The following MAML3 variants were observed in gnomAD, a reference collection of about 807,000 sequenced individuals.
The protein encoded by MAML3 is mastermind-like protein 3.
Under a neutral mutation model 101.9 loss-of-function variants are expected in MAML3, and 27 were observed. The observed-to-expected ratio is 0.27, with a 90% confidence interval of 0.20 to 0.37. The LOEUF is 0.37. Among genes scored for constraint, MAML3 ranks in the 10% least tolerant of loss-of-function variants. The pLI is 1.00. For synonymous variants in MAML3, 501 were observed against 555.9 expected, an observed-to-expected ratio of 0.90 and a Z score of 1.39; for missense variants, 1,316 against 1,444.9, an observed-to-expected ratio of 0.91 and a Z score of 1.45.
chr4:140,014,878 T>G, intron 1 of MAML3, among the ~76,000 whole-genome samples: 1 of 152,182 alleles, frequency 6.6e-6, no homozygotes, highest in Non-Finnish European at 1.5e-5. Flanking sequence ...ATAGGAAGAA[T>G]GGAAAAGCTG....
chr4:139,912,780 G>A (rs1395221785), intron 1 of MAML3, among the ~76,000 whole-genome samples: 1 of 152,262 alleles, frequency 6.6e-6, no homozygotes, highest in Non-Finnish European at 1.5e-5. Context: ...ACCAAGAAGA[G>A]TTAAGGAAGG....
At chr4:140,106,427 G>C (rs1728352401) in intron 1 of MAML3, among the ~76,000 whole-genome samples, 1 of 152,258 alleles carries the variant, frequency 6.6e-6, no homozygotes, top group African/African-American at 2.4e-5. Flanking sequence ...CCTAGTCTTA[G>C]AAGCACCAAT....
At chr4:140,017,445 A>T (rs2110870424) in intron 1 of MAML3, among the ~76,000 whole-genome samples, 1 of 152,266 alleles carries the variant, frequency 6.6e-6, no homozygotes, top group African/African-American at 2.4e-5. Flanking sequence ...GTACTCCTGG[A>T]TATTTATCCC....
At chr4:139,864,669 C>T (rs1174180533) in intron 2 of MAML3, among the ~76,000 whole-genome samples, 3 of 78,324 alleles carry the variant, frequency 3.8e-5, no homozygotes, top group African/African-American at 1.2e-4. Context: ...AGCGAGGCTC[C>T]GTCTCAAAAA....
At chr4:140,084,299 T>C (rs766431333) in intron 1 of MAML3, among the ~76,000 whole-genome samples, 10 of 152,252 alleles carry the variant, frequency 6.6e-5, no homozygotes, top group Non-Finnish European at 1.3e-4. Flanking sequence ...CCTACTTGTC[T>C]TGTTACAATC....
At chr4:139,738,059 T>C (rs952690760) in intron 2 of MAML3, among the ~76,000 whole-genome samples, 7 of 152,288 alleles carry the variant, frequency 4.6e-5, no homozygotes, top group Non-Finnish European at 7.4e-5. Flanking sequence ...ACAGTGTACA[T>C]TGGGGGAACC....
At chr4:139,772,394 T>C (rs1266447319) in intron 2 of MAML3, among the ~76,000 whole-genome samples, 1 of 150,122 alleles carries the variant, frequency 6.7e-6, no homozygotes. Flanking sequence ...TAGGCTGGAG[T>C]GCAGTGGCGC....
chr4:139,870,002 A>T (rs79050928), intron 2 of MAML3, among the ~76,000 whole-genome samples: 281 of 152,312 alleles, frequency 1.8e-3, no homozygotes, highest in Admixed American at 4.4e-3. Context: ...TGACCATATG[A>T]CCTTAAACAG....
Position 139,723,707 on chromosome 4 carries a change from TC to T in MAML3, c.2416+2043del, listed in dbSNP as rs1313481263. On this transcript the variant is annotated intron_variant, in intron 4 of 4. Transcript: ENST00000509479. The stretch of plus-strand genomic sequence containing the variant: ...GGGAATTATTAAATAATTCCCCTTT[TC>T]CCCCACAAATAATACATGAGTTATG... Among the ~76,000 whole-genome samples, 11 of 152,256 alleles carry T rather than the reference TC, an allele frequency of 7.2e-5. No homozygotes were observed. The East Asian group carries it at 2.1e-3, about 29-fold the overall frequency.
intron 1 of MAML3, among the ~76,000 whole-genome samples, chr4:140,032,945 C>T (rs1473717527): frequency 6.6e-6 from 1 of 150,524 alleles, no homozygotes; most frequent in African/African-American, 2.4e-5. Flanking sequence ...AAATATCGGG[C>T]TCTTGTGCAC....
At chr4:140,097,294 C>G (rs564376279) in intron 1 of MAML3, among the ~76,000 whole-genome samples, 1 of 152,196 alleles carries the variant, frequency 6.6e-6, no homozygotes, top group Admixed American at 6.5e-5. Context: ...TCTTGATAAC[C>G]CACTCTCCTC....
At position 140,152,779 on chromosome 4, in the gene MAML3, C is replaced by T. The variant is rs1401031239; in HGVS notation, c.468+81G>A. The T allele has an allele frequency of 5.2e-6, 8 of 1,549,522 alleles. No homozygotes were observed. The Admixed American group carries it at 1.1e-4, about 21-fold the overall frequency. On this transcript the variant is annotated intron_variant, in intron 1 of 4. Coordinates refer to ENST00000509479, the MANE Select transcript of MAML3 (RefSeq NM_018717.5). ...CGTGCAAATCAGACCCTTGTACCCC[C>T]ATGTAAGAAGCTCCACGCGCCCCCC...
intron 1 of MAML3, among the ~76,000 whole-genome samples, chr4:140,121,230 T>C (rs1016045958): frequency 1.3e-5 from 2 of 152,192 alleles, no homozygotes; most frequent in Admixed American, 6.5e-5. Flanking sequence ...TTGTGCCAAA[T>C]AGATACAAAT....
intron 1 of MAML3, among the ~76,000 whole-genome samples, chr4:139,927,322 G>A (rs953815814): frequency 6.6e-6 from 1 of 152,144 alleles, no homozygotes; most frequent in African/African-American, 2.4e-5. Flanking sequence ...GGTTCATGAT[G>A]TCAATATGTC....
intron 1 of MAML3, among the ~76,000 whole-genome samples, chr4:139,969,253 A>T (rs1413750148): frequency 6.6e-6 from 1 of 151,194 alleles, no homozygotes; most frequent in Non-Finnish European, 1.5e-5. Flanking sequence ...TTTGTAGCAC[A>T]CTCCCACCAT....
intron 1 of MAML3, among the ~76,000 whole-genome samples, chr4:140,005,315 C>T (rs572549388): frequency 6.6e-6 from 1 of 152,248 alleles, no homozygotes; most frequent in Admixed American, 6.5e-5. Context: ...ATTCCTTAAC[C>T]TGGAAACATT....
At chr4:139,779,698 C>T (rs1730163726) in intron 2 of MAML3, among the ~76,000 whole-genome samples, 1 of 152,190 alleles carries the variant, frequency 6.6e-6, no homozygotes, top group Admixed American at 6.5e-5. Flanking sequence ...AATCAATAAT[C>T]AGCGGAGGGG....
Position 139,887,434 on chromosome 4 carries a change from GA to G in MAML3, c.2079+1922del, listed in dbSNP as rs1008106203. ...AGGAGGAGCACACAGATTTAATCCA[GA>G]AAAACATCACTTTGCTTCTTCAGCT... On this transcript the variant is annotated intron_variant, in intron 2 of 4. Coordinates refer to ENST00000509479, the MANE Select transcript of MAML3 (RefSeq NM_018717.5). 1.1e-4 allele frequency among the ~76,000 whole-genome samples: 16 copies of G among 152,200 alleles called. 1 individual carries two copies. Among genetic ancestry groups the G allele is most frequent in the African/African-American group, 3.9e-4 (16 of 41,450 alleles).
chr4:140,013,535 C>T (rs1196408155), intron 1 of MAML3, among the ~76,000 whole-genome samples: 1 of 152,150 alleles, frequency 6.6e-6, no homozygotes, highest in African/African-American at 2.4e-5. Context: ...AAAATATACA[C>T]CTACCTCATG....
Sources: gnomAD v4.1 joint callset for allele counts (sites outside exome capture counted in the v4.1 genomes callset) on GRCh38, gnomAD v4.1.1 for gene constraint, MANE v1.5 for transcripts, NCBI Gene and HGNC (gene_info 2026-07-23, HGNC 2026-07-21) for gene names.